The following FJX1 variants were observed in gnomAD, a reference collection of about 807,000 sequenced individuals.
The protein encoded by FJX1 is four-jointed box kinase 1, also known as four-jointed box protein 1.
Under a neutral mutation model 28.7 loss-of-function variants are expected in FJX1, and 21 were observed. The observed-to-expected ratio is 0.73, with a 90% confidence interval of 0.52 to 1.05. The LOEUF (loss-of-function observed/expected upper bound fraction) is 1.05. FJX1 is among the 50% of genes least tolerant of loss of function. The pLI, the probability that FJX1 is intolerant of heterozygous loss-of-function variation, is 0.00. For synonymous variants in FJX1, 363 were observed against 310.0 expected, an observed-to-expected ratio of 1.17 and a Z score of -1.80; for missense variants, 683 against 647.2, an observed-to-expected ratio of 1.06 and a Z score of -0.60.
chr11:35,619,454 G>T lies in FJX1; in HGVS notation c.818G>T (p.Gly273Val), dbSNP rs1850868658. 6 of 1,598,912 alleles carry T rather than the reference G, an allele frequency of 3.8e-6. No homozygotes were observed. Among genetic ancestry groups the T allele is most frequent in the East Asian group, 2.2e-5 (1 of 44,852 alleles). The change falls in exon 1 of 1, where the codon GGT (glycine) becomes GTT (valine). Residue 273 changes from glycine (G) to valine (V), a missense_variant. Physicochemically the swap from Gly to Val is moderately radical, Grantham distance 109. Coordinates refer to ENST00000317811, the MANE Select transcript of FJX1 (RefSeq NM_014344.4). This position sits in a 1 kb window ranked among gnomAD's most constrained non-coding sequence, Gnocchi z 7.6. The part of the protein sequence containing the change: ...GRLRPLRDAG[G>V]ELANLSQAEL... ...CTGCGCCCCCTCCGGGATGCCGGGG[G>T]TGAGCTGGCCAACCTCAGCCAGGCG...
rs1850869861 is a variant in FJX1, at chr11:35,619,491, C to A, written c.855C>A (p.Asp285Glu). 1 of 1,599,480 alleles carries A rather than the reference C, an allele frequency of 6.3e-7. No individual in the cohort carries two copies. The highest frequency in any genetic ancestry group is 8.5e-7 in the Non-Finnish European group (1 of 1,179,744). ...LANLSQAELV[D>E]LVQWTDLILF... The stretch of plus-strand genomic sequence containing the variant: ...ACCTCAGCCAGGCGGAGCTGGTGGA[C>A]CTAGTACAATGGACCGACTTAATCC... The change falls in exon 1 of 1, where the codon GAC becomes GAA. Residue 285 changes from aspartate to glutamate, a missense_variant. Physicochemically the swap from Asp to Glu is conservative, Grantham distance 45. Transcript: ENST00000317811. This position sits in a 1 kb window ranked among gnomAD's most constrained non-coding sequence, Gnocchi z 7.6.
At position 35,620,332 on chromosome 11, in the gene FJX1, GC is replaced by G. The variant is rs1850884968; in HGVS notation, c.*383del. The G allele has an allele frequency of 3.1e-6, 1 of 322,844 alleles. No individual in the cohort carries two copies. The highest frequency in any genetic ancestry group is 6.0e-6 in the Non-Finnish European group (1 of 165,558). The allele number at this position is 322,844 out of a possible 1,614,324, so 20.0% of individuals were successfully genotyped here. A position where few individuals can be genotyped will look rare whatever the true frequency, so the allele number is the denominator to read the frequency against. ...TTCCCTTTCCGAAAAAGGAAAACTT[GC>G]GTTTGAGCCGTTGAGCTAATTCTGC... On this transcript the variant is annotated 3_prime_UTR_variant, in exon 1 of 1. Coordinates refer to ENST00000317811, the MANE Select transcript of FJX1 (RefSeq NM_014344.4).
chr11:35,620,041 G>A lies in FJX1; in HGVS notation c.*91G>A. On this transcript the variant is annotated 3_prime_UTR_variant, in exon 1 of 1. Transcript: ENST00000317811. ...CCTCTGCCACTGTCAGGGACCAGCC[G>A]GCCAACGCCCACCCGCAAAGGTGTC... 6.6e-7 allele frequency: 1 copy of A among 1,516,274 alleles called. No homozygotes were observed. Among genetic ancestry groups the A allele is most frequent in the African/African-American group, 1.4e-5 (1 of 71,194 alleles). 93.9% of individuals were successfully genotyped at this position (1,516,274 alleles called of 1,614,324 possible).
rs753246584 is a variant in FJX1 at position 35,619,096 on chromosome 11, G to T, written c.460G>T (p.Val154Leu). 5.3e-6 allele frequency: 8 copies of T among 1,506,254 alleles called. No individual in the cohort carries two copies. Among genetic ancestry groups the T allele is most frequent in the Non-Finnish European group, 7.0e-6 (8 of 1,139,522 alleles). The allele number at this position is 1,506,254 out of a possible 1,614,324, so 93.3% of individuals were successfully genotyped here. ...WLEAARGARMVALERGGCGRS... is the reference protein window; with the variant it reads ...WLEAARGARMLALERGGCGRS... Reference sequence around the variant, plus strand: ...GGAGGCGGCTCGCGGCGCCCGGATGGTGGCCCTGGAGCGCGGGGGTTGCGG... The same window carrying T: ...GGAGGCGGCTCGCGGCGCCCGGATGTTGGCCCTGGAGCGCGGGGGTTGCGG... The change falls in exon 1 of 1, where the codon GTG becomes TTG. Residue 154 changes from valine (V) to leucine (L), a missense_variant. Physicochemically the swap from Val to Leu is conservative, Grantham distance 32. Coordinates refer to ENST00000317811, the MANE Select transcript of FJX1 (RefSeq NM_014344.4). The surrounding 1 kb of genome is among the most constrained non-coding windows in gnomAD (Gnocchi z 7.6).
In FJX1 at chr11:35,619,253, A is replaced by C; in HGVS notation, c.617A>C (p.His206Pro). The C allele has an allele frequency of 6.4e-7, 1 of 1,570,454 alleles. No individual in the cohort carries two copies. The change falls in exon 1 of 1, where the codon CAC (histidine) becomes CCC (proline). Residue 206 changes from histidine (H) to proline (P), a missense_variant. His to Pro is a moderately conservative substitution (Grantham distance 77). Coordinates refer to ENST00000317811, the MANE Select transcript of FJX1 (RefSeq NM_014344.4). The surrounding 1 kb of genome is among the most constrained non-coding windows in gnomAD (Gnocchi z 7.6). ...YLARLLGLQRHVPPLALARVE... is the reference protein window; with the variant it reads ...YLARLLGLQRPVPPLALARVE... Reference sequence around the variant, plus strand: ...GCGCGCCTGCTGGGCCTCCAGCGCCACGTGCCGCCGCTGGCACTGGCTCGG... The same window carrying C: ...GCGCGCCTGCTGGGCCTCCAGCGCCCCGTGCCGCCGCTGGCACTGGCTCGG...
rs910172747 is a variant in FJX1, at chr11:35,618,928, C to T, written c.292C>T (p.Arg98Trp). Residue 98 changes from arginine (R) to tryptophan (W), a missense_variant, in exon 1 of 1, where the codon CGG becomes TGG. Transcript: ENST00000317811. The surrounding 1 kb of genome is among the most constrained non-coding windows in gnomAD (Gnocchi z 4.2). Reference protein sequence around the residue: ...AGADGPPRQSRSEPRWHVSAR... With the variant: ...AGADGPPRQSWSEPRWHVSAR... ...CGCGGACGGCCCGCCCCGGCAGTCC[C>T]GGAGCGAGCCCAGGTGGCACGTGTC... 1.6e-5 allele frequency: 23 copies of T among 1,457,278 alleles called. No individual in the cohort carries two copies. In the Admixed American group the frequency reaches 2.6e-4, roughly 16 times the overall value. The allele number at this position is 1,457,278 out of a possible 1,614,324, so 90.3% of individuals were successfully genotyped here.
rs1183266818 is a variant in FJX1, at chr11:35,618,996, G to T, written c.360G>T (p.Gly120=). 6 of 1,475,062 alleles carry T rather than the reference G, an allele frequency of 4.1e-6. No homozygotes were observed. Among genetic ancestry groups the T allele is most frequent in the Non-Finnish European group, 5.3e-6 (6 of 1,123,770 alleles). The allele number at this position is 1,475,062 out of a possible 1,614,324, so 91.4% of individuals were successfully genotyped here. A position where few individuals can be genotyped will look rare whatever the true frequency, so the allele number is the denominator to read the frequency against. Residue 120 remains glycine (G), a synonymous_variant, in exon 1 of 1, where the codon GGG becomes GGT. Transcript: ENST00000317811. This position sits in a 1 kb window ranked among gnomAD's most constrained non-coding sequence, Gnocchi z 4.2. ...CGGAGGAGAGCGCCGCGGTGCACGG[G>T]GGCGTCTTCTGGAGCCGCGGCCTGG... ...PRPEESAAVH[G]GVFWSRGLEE... is the part of the protein sequence containing the mutation.
rs1850862461 is a variant in FJX1, at chr11:35,619,117, T to C, written c.481T>C (p.Cys161Arg). The C allele has an allele frequency of 2.0e-6, 3 of 1,536,316 alleles. No homozygotes were observed. Among genetic ancestry groups the C allele is most frequent in the Non-Finnish European group, 2.6e-6 (3 of 1,153,664 alleles). ...GATGGTGGCCCTGGAGCGCGGGGGT[T>C]GCGGGCGCAGCTCCAACCGACTGGC... ...ARMVALERGGCGRSSNRLARF... is the reference protein window; with the variant it reads ...ARMVALERGGRGRSSNRLARF... The change falls in exon 1 of 1, where the codon TGC (cysteine) becomes CGC (arginine). Residue 161 changes from cysteine (C) to arginine (R), a missense_variant. By Grantham distance (180) the Cys-to-Arg change is radical. Coordinates refer to ENST00000317811, the MANE Select transcript of FJX1 (RefSeq NM_014344.4). This position sits in a 1 kb window ranked among gnomAD's most constrained non-coding sequence, Gnocchi z 7.6.
Position 35,618,919 on chromosome 11 carries a change from C to G in FJX1, c.283C>G (p.Arg95Gly). ...TLAAGADGPP[R>G]QSRSEPRWHV... is the part of the protein sequence containing the mutation. ...GGCGGCCGGCGCGGACGGCCCGCCCCGGCAGTCCCGGAGCGAGCCCAGGTG... is the reference window on the plus strand; with the variant it reads ...GGCGGCCGGCGCGGACGGCCCGCCCGGGCAGTCCCGGAGCGAGCCCAGGTG... Residue 95 changes from arginine (R) to glycine (G), a missense_variant, in exon 1 of 1, where the codon CGG becomes GGG. By Grantham distance (125) the Arg-to-Gly change is moderately radical (BLOSUM62 -2). Coordinates refer to ENST00000317811, the MANE Select transcript of FJX1 (RefSeq NM_014344.4). The surrounding 1 kb of genome is among the most constrained non-coding windows in gnomAD (Gnocchi z 4.2). 6.3e-6 allele frequency: 9 copies of G among 1,422,182 alleles called. No individual in the cohort carries two copies. The highest frequency in any genetic ancestry group is 7.3e-6 in the Non-Finnish European group (8 of 1,093,422). 88.1% of individuals were successfully genotyped at this position (1,422,182 alleles called of 1,614,324 possible). A position where few individuals can be genotyped will look rare whatever the true frequency, so the allele number is the denominator to read the frequency against.
rs1850881922 is a variant in FJX1 at position 35,620,066 on chromosome 11, C to CT, written c.*117dup. Reference sequence around the variant, plus strand: ...GGCCAACGCCCACCCGCAAAGGTGTCTAAAAACTTCAGCTTTTCACCCACC... The same window carrying CT: ...GGCCAACGCCCACCCGCAAAGGTGTCTTAAAAACTTCAGCTTTTCACCCACC... On this transcript the variant is annotated 3_prime_UTR_variant, in exon 1 of 1. Coordinates refer to ENST00000317811, the MANE Select transcript of FJX1 (RefSeq NM_014344.4). 1 of 1,458,274 alleles carries CT rather than the reference C, an allele frequency of 6.9e-7. No homozygotes were observed. Among genetic ancestry groups the CT allele is most frequent in the Non-Finnish European group, 9.2e-7 (1 of 1,088,144 alleles). 90.3% of individuals were successfully genotyped at this position (1,458,274 alleles called of 1,614,324 possible).
Position 35,620,170 on chromosome 11 carries a change from T to C in FJX1, c.*220T>C. 1 of 660,898 alleles carries C rather than the reference T, an allele frequency of 1.5e-6. No individual in the cohort carries two copies. Among genetic ancestry groups the C allele is most frequent in the South Asian group, 2.0e-5 (1 of 50,072 alleles). The allele number at this position is 660,898 out of a possible 1,614,324, so 40.9% of individuals were successfully genotyped here. A position where few individuals can be genotyped will look rare whatever the true frequency, so the allele number is the denominator to read the frequency against. ...ACTCACCGAGGCGAGAAGTGTAACA[T>C]TCTCTCCACCCAGCTTATAAAAGGA... On this transcript the variant is annotated 3_prime_UTR_variant, in exon 1 of 1. Coordinates refer to ENST00000317811, the MANE Select transcript of FJX1 (RefSeq NM_014344.4).
Position 35,618,712 on chromosome 11 carries a change from TG to T in FJX1, c.80del (p.Gly27GlufsTer51), listed in dbSNP as rs1439922336. ...GGCGCTGGGCTCGCTGCTGGCGCTGTGGGGAGGGCTCCTGCCGCCGCGGACC... is the reference window on the plus strand; with the variant it reads ...GGCGCTGGGCTCGCTGCTGGCGCTGTGGGAGGGCTCCTGCCGCCGCGGACC... ...LLALGSLLAL[W>X]GGLLPPRTEL... On this transcript the variant is annotated frameshift_variant, in exon 1 of 1. Transcript: ENST00000317811. LOFTEE classifies it high-confidence loss of function. This position sits in a 1 kb window ranked among gnomAD's most constrained non-coding sequence, Gnocchi z 4.2. 2 of 1,250,480 alleles carry T rather than the reference TG, an allele frequency of 1.6e-6. No homozygotes were observed. The highest frequency in any genetic ancestry group is 2.0e-6 in the Non-Finnish European group (2 of 985,500). 77.5% of individuals were successfully genotyped at this position (1,250,480 alleles called of 1,614,324 possible). A position where few individuals can be genotyped will look rare whatever the true frequency, so the allele number is the denominator to read the frequency against.
chr11:35,620,246 G>C lies in FJX1; in HGVS notation c.*296G>C, dbSNP rs1850884066. Reference sequence around the variant, plus strand: ...TGGATCCGAAGAAACTGGCTACTGGGGTTTGGCCCCCGAGTGGCCGTCCCT... The same window carrying C: ...TGGATCCGAAGAAACTGGCTACTGGCGTTTGGCCCCCGAGTGGCCGTCCCT... On this transcript the variant is annotated 3_prime_UTR_variant, in exon 1 of 1. Coordinates refer to ENST00000317811, the MANE Select transcript of FJX1 (RefSeq NM_014344.4). The C allele has an allele frequency of 8.0e-6, 4 of 499,146 alleles. No individual in the cohort carries two copies. The highest frequency in any genetic ancestry group is 1.4e-5 in the Non-Finnish European group (4 of 278,442). The allele number at this position is 499,146 out of a possible 1,614,324, so 30.9% of individuals were successfully genotyped here. A position where few individuals can be genotyped will look rare whatever the true frequency, so the allele number is the denominator to read the frequency against.
Position 35,620,212 on chromosome 11 carries a change from C to A in FJX1, c.*262C>A. On this transcript the variant is annotated 3_prime_UTR_variant, in exon 1 of 1. Transcript: ENST00000317811. ...ATAAAAGGATTCTTTACTGTGCCAG[C>A]ACGGGGATTGGATCCGAAGAAACTG... The A allele has an allele frequency of 3.5e-6, 2 of 578,982 alleles. No homozygotes were observed. The highest frequency in any genetic ancestry group is 6.0e-6 in the Non-Finnish European group (2 of 332,666). 35.9% of individuals were successfully genotyped at this position (578,982 alleles called of 1,614,324 possible).
At position 35,620,095 on chromosome 11, in the gene FJX1, C is replaced by A; in HGVS notation, c.*145C>A. 1 of 1,235,378 alleles carries A rather than the reference C, an allele frequency of 8.1e-7. No homozygotes were observed. Among genetic ancestry groups the A allele is most frequent in the Non-Finnish European group, 1.1e-6 (1 of 889,904 alleles). The allele number at this position is 1,235,378 out of a possible 1,614,324, so 76.5% of individuals were successfully genotyped here. A position where few individuals can be genotyped will look rare whatever the true frequency, so the allele number is the denominator to read the frequency against. On this transcript the variant is annotated 3_prime_UTR_variant, in exon 1 of 1. Transcript: ENST00000317811. ...AAACTTCAGCTTTTCACCCACCTGC[C>A]CCTTTCTTTCAATCCCACGCTGTTT...
At position 35,619,543 on chromosome 11, in the gene FJX1, GACCGGCTCGTAAGCA is replaced by G; in HGVS notation, c.911_925del (p.Arg304_Asn308del). 6.2e-7 allele frequency: 1 copy of G among 1,601,170 alleles called. No homozygotes were observed. Among genetic ancestry groups the G allele is most frequent in the Middle Eastern group, 1.6e-4 (1 of 6,062 alleles). ...TTTCGACTACCTGACGGCCAACTTC[GACCGGCTCGTAAGCA>G]ACCTCTTCAGCCTGCAGTGGGACCC... On this transcript the variant is annotated inframe_deletion, in exon 1 of 1. Transcript: ENST00000317811. This position sits in a 1 kb window ranked among gnomAD's most constrained non-coding sequence, Gnocchi z 7.6.
rs1352014440 is a variant in FJX1, at chr11:35,619,331, C to A, written c.695C>A (p.Ala232Glu). ...WAQVQEELRAAHWTEGSVVSL... is the reference protein window; with the variant it reads ...WAQVQEELRAEHWTEGSVVSL... ...CAGGTGCAGGAGGAGCTGCGCGCTG[C>A]GCACTGGACCGAGGGCAGCGTGGTG... Residue 232 changes from alanine to glutamate, a missense_variant, in exon 1 of 1, where the codon GCG becomes GAG. Transcript: ENST00000317811. This position sits in a 1 kb window ranked among gnomAD's most constrained non-coding sequence, Gnocchi z 7.6. 1.9e-6 allele frequency: 3 copies of A among 1,566,280 alleles called. No individual in the cohort carries two copies. The highest frequency in any genetic ancestry group is 2.6e-6 in the Non-Finnish European group (3 of 1,164,316).
Position 35,618,858 on chromosome 11 carries a change from C to T in FJX1, c.222C>T (p.Gly74=), listed in dbSNP as rs1590455410. The T allele has an allele frequency of 3.0e-6, 4 of 1,353,864 alleles. No homozygotes were observed. The highest frequency in any genetic ancestry group is 3.4e-5 in the Admixed American group (1 of 29,210). 83.9% of individuals were successfully genotyped at this position (1,353,864 alleles called of 1,614,324 possible). A position where few individuals can be genotyped will look rare whatever the true frequency, so the allele number is the denominator to read the frequency against. Residue 74 remains glycine, a synonymous_variant, in exon 1 of 1, where the codon GGC becomes GGT. Coordinates refer to ENST00000317811, the MANE Select transcript of FJX1 (RefSeq NM_014344.4). The surrounding 1 kb of genome is among the most constrained non-coding windows in gnomAD (Gnocchi z 4.2). ...CGCCCCTGGCGTGGGACGCCCGCGG[C>T]GGCTCCCTGAAAACTTTCCGGGCGC... ...LPPPLAWDAR[G]GSLKTFRALL...
In FJX1 at chr11:35,619,341, C is replaced by G; in HGVS notation, c.705C>G (p.Thr235=). The G allele has an allele frequency of 6.4e-7, 1 of 1,572,806 alleles. No homozygotes were observed. The highest frequency in any genetic ancestry group is 8.6e-7 in the Non-Finnish European group (1 of 1,167,594). Residue 235 remains threonine, a synonymous_variant, in exon 1 of 1, where the codon ACC becomes ACG. Coordinates refer to ENST00000317811, the MANE Select transcript of FJX1 (RefSeq NM_014344.4). The surrounding 1 kb of genome is among the most constrained non-coding windows in gnomAD (Gnocchi z 7.6). ...AGGAGCTGCGCGCTGCGCACTGGAC[C>G]GAGGGCAGCGTGGTGAGCCTGACAC... ...VQEELRAAHW[T]EGSVVSLTRW...
Sources: gnomAD v4.1 joint callset for allele counts on GRCh38, gnomAD v4.1.1 for gene constraint, Gnocchi (gnomAD v3.1) non-coding constraint, MANE v1.5 for transcripts, NCBI Gene and HGNC (gene_info 2026-07-23, HGNC 2026-07-21) for gene names.